The following DAPK1 variants were observed in gnomAD, a reference collection of about 807,000 sequenced individuals.
DAPK1 encodes death associated protein kinase 1.
DAPK1 carries 56 observed loss-of-function variants against 144.9 expected under a neutral mutation model. That is an observed-to-expected ratio of 0.39 (90% confidence interval 0.31 to 0.48). The LOEUF (loss-of-function observed/expected upper bound fraction) is 0.48. Among genes scored for constraint, DAPK1 ranks in the 20% least tolerant of loss-of-function variants. The pLI is 0.95. For missense variants in DAPK1, 1,454 were observed against 1,875.4 expected, an observed-to-expected ratio of 0.78 and a Z score of 4.15; for synonymous variants, 690 against 749.0, an observed-to-expected ratio of 0.92 and a Z score of 1.29.
intron 19 of DAPK1, among the ~76,000 whole-genome samples, chr9:87,669,221 A>G (rs1831168067): frequency 6.6e-6 from 1 of 152,200 alleles, no homozygotes; most frequent in Non-Finnish European, 1.5e-5. Context: ...CAGTAATAAA[A>G]ATTGGAAACA....
chr9:87,585,739 G>A (rs1827923780), intron 2 of DAPK1, among the ~76,000 whole-genome samples: 1 of 152,178 alleles, frequency 6.6e-6, no homozygotes, highest in South Asian at 2.1e-4. Flanking sequence ...CTAAAGCTGT[G>A]CTGTTTGACA....
chr9:87,555,171 G>A (rs1826659264), intron 2 of DAPK1, among the ~76,000 whole-genome samples: 1 of 152,192 alleles, frequency 6.6e-6, no homozygotes. Context: ...GTCAGCAAAG[G>A]AAGTTCCTTA....
intron 19 of DAPK1, among the ~76,000 whole-genome samples, chr9:87,671,090 T>C (rs1831234644): frequency 6.6e-6 from 1 of 152,136 alleles, no homozygotes; most frequent in South Asian, 2.1e-4. Context: ...GGGTGGAAGG[T>C]CCTTCTCCCG....
At chr9:87,637,158 A>G (rs1416035951) in intron 3 of DAPK1, among the ~76,000 whole-genome samples, 1 of 152,122 alleles carries the variant, frequency 6.6e-6, no homozygotes, top group Admixed American at 6.5e-5. Flanking sequence ...CAGTGGCACA[A>G]TCTTGGCTCA....
At chr9:87,695,400 G>C (rs867046730) in intron 21 of DAPK1, among the ~76,000 whole-genome samples, 1 of 152,202 alleles carries the variant, frequency 6.6e-6, no homozygotes, top group Admixed American at 6.5e-5. Context: ...TGGCCAGGCC[G>C]CCCCAGAGGC....
chr9:87,619,629 A>G (rs1829219518), intron 3 of DAPK1, among the ~76,000 whole-genome samples: 1 of 152,132 alleles, frequency 6.6e-6, no homozygotes, highest in South Asian at 2.1e-4. Context: ...GCTGATTTCC[A>G]CCCTGGGCCT....
chr9:87,510,683 C>T lies in DAPK1; in HGVS notation c.62+11544C>T, dbSNP rs558933369. On this transcript the variant is annotated intron_variant, in intron 2 of 25. Coordinates refer to ENST00000408954, the MANE Select transcript of DAPK1 (RefSeq NM_004938.4). ...GTTGGTTGGAATTCAGCTAAGTGCA[C>T]GGTAAGCCATGTTTATTTCGTTGCC... Among the ~76,000 whole-genome samples, 237 of 152,272 alleles carry T rather than the reference C, an allele frequency of 1.6e-3. 1 individual carries two copies. The South Asian group carries it at 0.016, about 10-fold the overall frequency.
At chr9:87,540,183 CTTTTTT>C (rs33925780) in intron 2 of DAPK1, among the ~76,000 whole-genome samples, 1 of 66,130 alleles carries the variant, frequency 1.5e-5, no homozygotes, top group African/African-American at 5.8e-5. Flanking sequence ...TTGTTAATCT[CTTTTTT>C]TTTTTTTTTT....
At position 87,622,726 on chromosome 9, in the gene DAPK1, C is replaced by A. The variant is rs190248298; in HGVS notation, c.285-15217C>A. Reference sequence around the variant, plus strand: ...AGGAGTTCAAGACCAGCCTGGGCAACACGGTGAAACCCTGTCTCCACTAAA... The same window carrying A: ...AGGAGTTCAAGACCAGCCTGGGCAAAACGGTGAAACCCTGTCTCCACTAAA... On this transcript the variant is annotated intron_variant, in intron 3 of 25. Transcript: ENST00000408954. 5.0e-3 allele frequency among the ~76,000 whole-genome samples: 767 copies of A among 152,106 alleles called. 7 individuals are homozygous for A. Among genetic ancestry groups the A allele is most frequent in the African/African-American group, 0.018 (741 of 41,482 alleles).
intron 2 of DAPK1, among the ~76,000 whole-genome samples, chr9:87,540,550 T>G (rs986819504): frequency 6.6e-6 from 1 of 152,178 alleles, no homozygotes; most frequent in Admixed American, 6.5e-5. Context: ...GGTCTGTATA[T>G]ATAGGAAGAA....
At chr9:87,572,129 G>T (rs1429444614) in intron 2 of DAPK1, among the ~76,000 whole-genome samples, 5 of 152,196 alleles carry the variant, frequency 3.3e-5, no homozygotes, top group Admixed American at 2.6e-4. Flanking sequence ...GGTAAATCTA[G>T]ACTGATGAAT....
intron 18 of DAPK1, among the ~76,000 whole-genome samples, chr9:87,660,186 A>G (rs1281990289): frequency 6.6e-6 from 1 of 152,068 alleles, no homozygotes; most frequent in African/African-American, 2.4e-5. Context: ...GCTGGCGTGG[A>G]GGCCCAGGAG....
intron 18 of DAPK1, among the ~76,000 whole-genome samples, chr9:87,659,482 T>C (rs17053289): frequency 0.064 from 9,727 of 152,284 alleles, 1,051 homozygotes; most frequent in African/African-American, 0.22. Flanking sequence ...ATTTTTGTCC[T>C]ATGTGTGGCC....
chr9:87,696,876 T>C (rs1825277475), intron 21 of DAPK1, 131 bp from the exon 22 acceptor site: 2 of 717,126 alleles, frequency 2.8e-6, no homozygotes, highest in African/African-American at 1.7e-5. Flanking sequence ...CATAACAAGA[T>C]GTATACACAT....
At chr9:87,698,507 A>T (rs1390559524) in intron 22 of DAPK1, 149 bp from the exon 23 acceptor site, 1 of 653,040 alleles carries the variant, frequency 1.5e-6, no homozygotes, top group Non-Finnish European at 2.7e-6. Context: ...AGTGCACAGC[A>T]GGCGTGGGGC....
At chr9:87,517,433 G>C (rs921171792) in intron 2 of DAPK1, among the ~76,000 whole-genome samples, 1 of 152,014 alleles carries the variant, frequency 6.6e-6, no homozygotes, top group Non-Finnish European at 1.5e-5. Context: ...ACTCCCCACT[G>C]TTCTCTCCCC....
intron 16 of DAPK1, among the ~76,000 whole-genome samples, chr9:87,651,014 T>G (rs1213990561): frequency 6.6e-6 from 1 of 152,234 alleles, no homozygotes; most frequent in African/African-American, 2.4e-5. Context: ...ATAGGTAGAA[T>G]GAATGCCCGG....
intron 2 of DAPK1, among the ~76,000 whole-genome samples, chr9:87,593,679 GA>G (rs545057678): frequency 5.7e-4 from 86 of 152,194 alleles, no homozygotes; most frequent in South Asian, 1.7e-3. Flanking sequence ...ATGGAATAAG[GA>G]ACTTCAGCTT....
chr9:87,499,310 A>C (rs1824310553), intron 2 of DAPK1, 171 bp downstream of exon 2: 4 of 637,294 alleles, frequency 6.3e-6, no homozygotes, highest in Admixed American at 2.5e-5. Context: ...GCCTGATCCA[A>C]GGGCCTGGGG....
Sources: allele counts gnomAD v4.1 joint callset (sites outside exome capture counted in the v4.1 genomes callset), GRCh38; gene constraint gnomAD v4.1.1; transcripts MANE v1.5; gene names NCBI Gene and HGNC (gene_info 2026-07-23, HGNC 2026-07-21).